Variants in CACNA1I observed in about 807,000 individuals in gnomAD.
The protein encoded by CACNA1I is calcium voltage-gated channel subunit alpha1 I.
A neutral mutation model predicts 201.6 loss-of-function variants in CACNA1I; 74 were observed. That is an observed-to-expected ratio of 0.37 (90% CI 0.30 to 0.45). CACNA1I has a LOEUF of 0.45. Among genes scored for constraint, CACNA1I ranks in the 20% least tolerant of loss-of-function variants. The pLI is 1.00. For missense variants in CACNA1I, 2,346 were observed against 3,138.1 expected, an observed-to-expected ratio of 0.75 and a Z score of 6.03; for synonymous variants, 1,431 against 1,345.2, an observed-to-expected ratio of 1.06 and a Z score of -1.40.
chr22:39,684,400 G>T lies in CACNA1I; in HGVS notation c.5929G>T (p.Glu1977Ter). 6.2e-7 allele frequency: 1 copy of T among 1,613,682 alleles called. No homozygotes were observed. The highest frequency in any genetic ancestry group is 8.5e-7 in the Non-Finnish European group (1 of 1,179,876). Residue 1977 changes from glutamate to a stop codon, truncating the protein, a stop_gained, in exon 36 of 37, where the codon GAA (glutamate) becomes TAA (stop). Coordinates refer to ENST00000402142, the MANE Select transcript of CACNA1I (RefSeq NM_021096.4). LOFTEE classifies it high-confidence loss of function. This position sits in a 1 kb window ranked among gnomAD's most constrained non-coding sequence, Gnocchi z 4.6. ...AGTGTCTGCCAGCCAGAAAGGCCCA[G>T]AAAAGGGCACTGGCACTGGAACCCT... Reference protein sequence around the residue: ...PAVSASQKGPEKGTGTGTLPK... With the variant: ...PAVSASQKGP
In CACNA1I at chr22:39,649,352, C is replaced by A; in HGVS notation, c.1568-149C>A. ...GCTCAGAGAGCTGCAGCCGCTTCCCCAGGCACCCCTGACCGCCTTTCCAGG... is the reference window on the plus strand; with the variant it reads ...GCTCAGAGAGCTGCAGCCGCTTCCCAAGGCACCCCTGACCGCCTTTCCAGG... On this transcript the variant is annotated intron_variant, in intron 9 of 36. Coordinates refer to ENST00000402142, the MANE Select transcript of CACNA1I (RefSeq NM_021096.4). The surrounding 1 kb of genome is among the most constrained non-coding windows in gnomAD (Gnocchi z 7.3). 1.3e-6 allele frequency: 1 copy of A among 769,370 alleles called. No individual in the cohort carries two copies. The highest frequency in any genetic ancestry group is 2.0e-6 in the Non-Finnish European group (1 of 498,740). The allele number at this position is 769,370 out of a possible 1,614,324, so 47.7% of individuals were successfully genotyped here. A position where few individuals can be genotyped will look rare whatever the true frequency, so the allele number is the denominator to read the frequency against.
intron 1 of CACNA1I, among the ~76,000 whole-genome samples, chr22:39,572,495 A>C (rs966422572): frequency 6.6e-6 from 1 of 151,928 alleles, no homozygotes; most frequent in Non-Finnish European, 1.5e-5. Flanking sequence ...TGGGCCCTGG[A>C]TCCCCCTAAC....
chr22:39,647,704 G>A (rs535812109), intron 8 of CACNA1I, 118 bp from the exon 9 acceptor site: 11 of 714,434 alleles, frequency 1.5e-5, no homozygotes, highest in East Asian at 5.3e-5. Flanking sequence ...ATGAGCCACC[G>A]CCCCTGGCCA....
chr22:39,611,685 G>A (rs1348305007), intron 3 of CACNA1I, among the ~76,000 whole-genome samples: 1 of 152,180 alleles, frequency 6.6e-6, no homozygotes. Flanking sequence ...ATTTAACTGG[G>A]AAGCTTCTAT....
intron 10 of CACNA1I, chr22:39,656,717 G>A (rs752535545): frequency 1.9e-6 from 1 of 519,064 alleles, no homozygotes; most frequent in Admixed American, 1.9e-5. Flanking sequence ...GCAGTTTGGA[G>A]TCCAGCTTGG....
intron 1 of CACNA1I, among the ~76,000 whole-genome samples, chr22:39,596,711 T>G (rs1601804743): frequency 6.8e-6 from 1 of 148,086 alleles, no homozygotes; most frequent in African/African-American, 2.5e-5. Context: ...GCAGGAAGGG[T>G]GGTTTGGAGG....
intron 3 of CACNA1I, among the ~76,000 whole-genome samples, chr22:39,611,234 A>T (rs1219821379): frequency 6.6e-6 from 1 of 152,182 alleles, no homozygotes; most frequent in Non-Finnish European, 1.5e-5. Flanking sequence ...ACATCCTGAC[A>T]ATCCCCAGAA....
chr22:39,658,931 C>T lies in CACNA1I; in HGVS notation c.2145C>T (p.Ser715=). The T allele has an allele frequency of 6.3e-7, 1 of 1,592,926 alleles. No homozygotes were observed. The highest frequency in any genetic ancestry group is 8.5e-7 in the Non-Finnish European group (1 of 1,172,208). The change falls in exon 12 of 37, where the codon AGC becomes AGT. Residue 715 remains serine (S), a splice_region_variant and synonymous_variant. Coordinates refer to ENST00000402142, the MANE Select transcript of CACNA1I (RefSeq NM_021096.4). ...CTGGGCCTGCCCTGCGGGACCGCAG[C>T]ATCTGGGAGATTGTGGGGCAGGCGG... is the stretch of plus-strand genomic sequence containing the variant. ...NIFDSIIVII[S]IWEIVGQADG... is the part of the protein sequence containing the mutation.
chr22:39,582,912 TCATCCATCTAACCATC>T, intron 1 of CACNA1I, among the ~76,000 whole-genome samples: 1 of 140,818 alleles, frequency 7.1e-6, no homozygotes, highest in Non-Finnish European at 1.6e-5. Flanking sequence ...AACCATCCAT[TCATCCATCTAACCATC>T]CATCCATCCA....
intron 1 of CACNA1I, among the ~76,000 whole-genome samples, chr22:39,582,194 A>T (rs1041065875): frequency 3.3e-5 from 5 of 152,192 alleles, no homozygotes; most frequent in Non-Finnish European, 5.9e-5. Context: ...CCCAAGGTAC[A>T]GTTTGGGCTT....
At chr22:39,631,307 G>A (rs1169086977) in intron 4 of CACNA1I, among the ~76,000 whole-genome samples, 1 of 152,204 alleles carries the variant, frequency 6.6e-6, no homozygotes, top group Non-Finnish European at 1.5e-5. Context: ...GGTGTCCTGA[G>A]GACTCCAGGG....
At chr22:39,619,068 C>G (rs1048538172) in intron 3 of CACNA1I, among the ~76,000 whole-genome samples, 1 of 152,208 alleles carries the variant, frequency 6.6e-6, no homozygotes, top group Non-Finnish European at 1.5e-5. Context: ...AGCCCAACAT[C>G]TGTGCTCCCT....
At position 39,685,334 on chromosome 22, in the gene CACNA1I, C is replaced by T. The variant is rs1264348648; in HGVS notation, c.6028-427C>T. ...GGCTCTGGGGCTGGGAGGTGGGGGG[C>T]CCACGGGGCCGGGAGGTGGGGGCCA... On this transcript the variant is annotated intron_variant, in intron 36 of 36. Coordinates refer to ENST00000402142, the MANE Select transcript of CACNA1I (RefSeq NM_021096.4). This position sits in a 1 kb window ranked among gnomAD's most constrained non-coding sequence, Gnocchi z 5.0. The T allele has an allele frequency of 1.3e-5, 2 of 155,438 alleles. No homozygotes were observed. Among genetic ancestry groups the T allele is most frequent in the Non-Finnish European group, 2.8e-5 (2 of 72,416 alleles). The allele number at this position is 155,438 out of a possible 1,614,324, so 9.6% of individuals were successfully genotyped here.
intron 4 of CACNA1I, among the ~76,000 whole-genome samples, chr22:39,624,550 G>A (rs1338232248): frequency 6.6e-6 from 1 of 152,246 alleles, no homozygotes; most frequent in Non-Finnish European, 1.5e-5. Context: ...GCACTGGGGA[G>A]TTACTGGGAG....
At chr22:39,650,710 C>T (rs1157149766) in intron 10 of CACNA1I, among the ~76,000 whole-genome samples, 4 of 152,236 alleles carry the variant, frequency 2.6e-5, no homozygotes, top group Non-Finnish European at 2.9e-5. Context: ...CTGTGGTTGT[C>T]CTGTGTGTCC....
intron 1 of CACNA1I, among the ~76,000 whole-genome samples, chr22:39,586,048 T>C (rs934573196): frequency 6.6e-6 from 1 of 151,472 alleles, no homozygotes; most frequent in East Asian, 2.0e-4. Context: ...CATGGTGGCA[T>C]GTGCCTGTAA....
chr22:39,588,377 CTTTCTTTCTTTTTTTT>C (rs1932782575), intron 1 of CACNA1I, among the ~76,000 whole-genome samples: 1 of 135,494 alleles, frequency 7.4e-6, no homozygotes, highest in Non-Finnish European at 1.6e-5. Flanking sequence ...TTCTTTCTTT[CTTTCTTTCTTTTTTTT>C]TTTTTTTTTT....
At chr22:39,630,103 C>T (rs980241648) in intron 4 of CACNA1I, among the ~76,000 whole-genome samples, 1 of 152,146 alleles carries the variant, frequency 6.6e-6, no homozygotes. Context: ...AGGCTGCCTC[C>T]GACTTGAGGG....
intron 7 of CACNA1I, 90 bp from the exon 8 acceptor site, chr22:39,646,479 G>C: frequency 6.8e-7 from 1 of 1,463,186 alleles, no homozygotes. Context: ...ATGTCTCCCT[G>C]CTGTCCCCAC....
Sources: gnomAD v4.1 joint callset for allele counts (sites outside exome capture counted in the v4.1 genomes callset) on GRCh38, gnomAD v4.1.1 for gene constraint, Gnocchi (gnomAD v3.1) non-coding constraint, MANE v1.5 for transcripts, NCBI Gene and HGNC (gene_info 2026-07-23, HGNC 2026-07-21) for gene names.